Variants in FMN1 observed in about 807,000 individuals in gnomAD.
FMN1 encodes the protein formin-1.
FMN1 carries 110 observed loss-of-function variants against 132.4 expected under a neutral mutation model. The ratio of observed to expected loss-of-function variants is 0.83; its 90% CI spans 0.71 to 0.97. The LOEUF (loss-of-function observed/expected upper bound fraction) is 0.97, where lower values mean the gene tolerates loss of function less well. Ranked by LOEUF, FMN1 falls within the 50% of genes least tolerant of loss-of-function variation. FMN1 has a pLI of 0.00. For synonymous variants in FMN1, 722 were observed against 651.7 expected, an observed-to-expected ratio of 1.11 and a Z score of -1.64; for missense variants, 1,792 against 1,705.3, an observed-to-expected ratio of 1.05 and a Z score of -0.90.
chr15:32,831,682 G>C (rs1276662146), intron 17 of FMN1, among the ~76,000 whole-genome samples: 1 of 151,516 alleles, frequency 6.6e-6, no homozygotes, highest in African/African-American at 2.4e-5. Context: ...AGACTATGAA[G>C]ATAATCTCTC....
At chr15:33,161,638 G>A (rs760825178) in intron 3 of FMN1, among the ~76,000 whole-genome samples, 1 of 152,158 alleles carries the variant, frequency 6.6e-6, no homozygotes, top group African/African-American at 2.4e-5. Context: ...ACAAAGGAAG[G>A]CTGGGCGCAG....
chr15:33,011,889 T>C (rs898123695), intron 6 of FMN1, among the ~76,000 whole-genome samples: 1 of 152,216 alleles, frequency 6.6e-6, no homozygotes, highest in Non-Finnish European at 1.5e-5. Flanking sequence ...CAACAGAGCC[T>C]TGGTGAAGAT....
intron 7 of FMN1, 41 bp from the exon 8 acceptor site, chr15:32,969,518 T>C (rs2031597610): frequency 6.3e-7 from 1 of 1,590,090 alleles, no homozygotes; most frequent in East Asian, 2.2e-5. Context: ...ATGAGTTTAT[T>C]AAGAACAAAC....
intron 17 of FMN1, among the ~76,000 whole-genome samples, chr15:32,841,293 G>C (rs1422156259): frequency 3.3e-5 from 5 of 152,152 alleles, no homozygotes; most frequent in South Asian, 2.1e-4. Context: ...TGTGTCCCTG[G>C]AGAAGAAGTC....
chr15:32,901,682 A>G (rs938024694), intron 13 of FMN1, among the ~76,000 whole-genome samples: 1 of 152,268 alleles, frequency 6.6e-6, no homozygotes, highest in African/African-American at 2.4e-5. Context: ...GGAATCTGTA[A>G]AAGTGTCATT....
chr15:33,072,872 G>T (rs1299862832), intron 5 of FMN1, among the ~76,000 whole-genome samples: 1 of 149,092 alleles, frequency 6.7e-6, no homozygotes, highest in African/African-American at 2.5e-5. Flanking sequence ...GCAGTGAGCC[G>T]AGATGCACCC....
chr15:32,844,610 T>C (rs1258781), intron 17 of FMN1, among the ~76,000 whole-genome samples: 35,333 of 152,142 alleles, frequency 0.23, 4,390 homozygotes, highest in East Asian at 0.44. Context: ...ATAAAGTGTC[T>C]GGTCTTAACA....
At chr15:33,128,906 A>T (rs1963407912) in intron 4 of FMN1, among the ~76,000 whole-genome samples, 1 of 120,986 alleles carries the variant, frequency 8.3e-6, no homozygotes, top group Non-Finnish European at 1.6e-5. Context: ...ATTTGGCCCC[A>T]CCCATGCCCT....
At chr15:33,036,774 G>C (rs2036212249) in intron 6 of FMN1, among the ~76,000 whole-genome samples, 1 of 152,202 alleles carries the variant, frequency 6.6e-6, no homozygotes, top group Admixed American at 6.5e-5. Context: ...GGGCTTGGCA[G>C]ATGAAAAACA....
At chr15:32,987,562 T>C (rs1045167936) in intron 7 of FMN1, among the ~76,000 whole-genome samples, 1 of 152,114 alleles carries the variant, frequency 6.6e-6, no homozygotes, top group Non-Finnish European at 1.5e-5. Flanking sequence ...ACTGAGGTGT[T>C]TGAAAGAAAA....
rs2059942552 is a variant in FMN1 at position 32,888,312 on chromosome 15, A to G, written c.3715-20T>C. 5 of 1,591,312 alleles carry G rather than the reference A, an allele frequency of 3.1e-6. No individual in the cohort carries two copies. Among genetic ancestry groups the G allele is most frequent in the South Asian group, 1.2e-5 (1 of 86,722 alleles). On this transcript the variant is annotated intron_variant, in intron 15 of 20. Transcript: ENST00000616417. ...AGCTTCCTAAGAGATATGGTAAACA[A>G]AAGTACATTATACTTCCCAATTGTC...
At chr15:32,940,391 TTGTGTGTGTGTGTGTGTGTGTGTG>T (rs67121672) in intron 9 of FMN1, among the ~76,000 whole-genome samples, 5 of 145,422 alleles carry the variant, frequency 3.4e-5, no homozygotes, top group African/African-American at 1.2e-4. Context: ...AAAATAAAAA[TTGTGTGTGTGTGTGTGTGTGTGTG>T]TGTGTGTGTG....
At chr15:33,032,029 T>C (rs1460170583) in intron 6 of FMN1, among the ~76,000 whole-genome samples, 1 of 152,190 alleles carries the variant, frequency 6.6e-6, no homozygotes, top group African/African-American at 2.4e-5. Context: ...AAATAATAAT[T>C]ACTACTGCTA....
rs756669525 is a variant in FMN1 at position 33,066,971 on chromosome 15, A to G, written c.2044-1897T>C. 65 of 1,613,974 alleles carry G rather than the reference A, an allele frequency of 4.0e-5. No individual in the cohort carries two copies. The highest frequency in any genetic ancestry group is 5.4e-5 in the Non-Finnish European group (64 of 1,179,892). On this transcript the variant is annotated intron_variant, in intron 5 of 20. Transcript: ENST00000616417. ...AGGCTGCGTCAATTTGAGCAAAGCT[A>G]AGTCCCCATCCTTTGGTTTAATTTC...
chr15:32,793,006 A>G (rs1427557488), intron 19 of FMN1, among the ~76,000 whole-genome samples: 1 of 152,138 alleles, frequency 6.6e-6, no homozygotes, highest in Non-Finnish European at 1.5e-5. Flanking sequence ...ATCCTTACTG[A>G]GACAGGAAGG....
At chr15:33,027,376 G>C (rs1196630919) in intron 6 of FMN1, among the ~76,000 whole-genome samples, 1 of 152,130 alleles carries the variant, frequency 6.6e-6, no homozygotes, top group South Asian at 2.1e-4. Flanking sequence ...AATATACTAA[G>C]TAATTACTCA....
At chr15:32,789,614 A>G (rs2140934138) in intron 19 of FMN1, among the ~76,000 whole-genome samples, 1 of 152,294 alleles carries the variant, frequency 6.6e-6, no homozygotes, top group African/African-American at 2.4e-5. Flanking sequence ...ATAAAAATAA[A>G]TTTAGTGTAG....
chr15:32,775,025 TG>T (rs1371669669), intron 20 of FMN1, among the ~76,000 whole-genome samples: 2 of 152,100 alleles, frequency 1.3e-5, no homozygotes, highest in Non-Finnish European at 2.9e-5. Flanking sequence ...CATATCAGTA[TG>T]GTAAGGATGG....
intron 12 of FMN1, among the ~76,000 whole-genome samples, chr15:32,903,546 AC>A (rs11338289): frequency 0.097 from 14,770 of 152,124 alleles, 911 homozygotes; most frequent in African/African-American, 0.17. Flanking sequence ...TCTAAATGTG[AC>A]CCATGAGGCG....
Sources: allele counts gnomAD v4.1 joint callset (sites outside exome capture counted in the v4.1 genomes callset), GRCh38; gene constraint gnomAD v4.1.1; transcripts MANE v1.5; gene names NCBI Gene and HGNC (gene_info 2026-07-23, HGNC 2026-07-21).